The following SYTL3 variants were observed in gnomAD, a reference collection of about 807,000 sequenced individuals.
The protein encoded by SYTL3 is synaptotagmin like 3.
Under a neutral mutation model 82.1 loss-of-function variants are expected in SYTL3, and 88 were observed. The ratio of observed to expected loss-of-function variants is 1.07; its 90% confidence interval spans 0.90 to 1.28. The LOEUF is 1.28. Among genes scored for constraint, SYTL3 ranks in the 50% most tolerant of loss-of-function variants. The pLI is 0.00. For missense variants in SYTL3, 831 were observed against 757.6 expected (o/e 1.10, Z -1.14); for synonymous variants, 311 against 289.4 (o/e 1.07, Z -0.76).
intron 6 of SYTL3, among the ~76,000 whole-genome samples, chr6:158,702,015 C>T (rs1270108139): frequency 1.3e-5 from 2 of 152,002 alleles, no homozygotes; most frequent in South Asian, 2.1e-4. Flanking sequence ...CTCTGTCACT[C>T]AGGCTGGAGT....
At chr6:158,720,651 C>A (rs1784000704) in intron 10 of SYTL3, among the ~76,000 whole-genome samples, 1 of 152,192 alleles carries the variant, frequency 6.6e-6, no homozygotes, top group African/African-American at 2.4e-5. Context: ...GAGGCTAACA[C>A]TGACTTGGGG....
intron 5 of SYTL3, among the ~76,000 whole-genome samples, chr6:158,673,259 A>C (rs1393445551): frequency 1.3e-5 from 2 of 150,978 alleles, no homozygotes; most frequent in East Asian, 3.9e-4. Flanking sequence ...TTTATTAAAA[A>C]CAGTTTCTAA....
intron 6 of SYTL3, among the ~76,000 whole-genome samples, chr6:158,705,427 C>T (rs920864219): frequency 2.9e-5 from 4 of 137,196 alleles, no homozygotes; most frequent in Non-Finnish European, 6.3e-5. Context: ...GAACCCGGGG[C>T]AGGGTAACAC....
At chr6:158,696,755 G>T (rs534439707) in intron 6 of SYTL3, among the ~76,000 whole-genome samples, 1 of 151,762 alleles carries the variant, frequency 6.6e-6, no homozygotes, top group Admixed American at 6.6e-5. Flanking sequence ...GAGGACTCAC[G>T]CTTCCAGATC....
intron 11 of SYTL3, among the ~76,000 whole-genome samples, chr6:158,736,599 A>C (rs1786206280): frequency 1.3e-5 from 2 of 151,824 alleles, no homozygotes; most frequent in South Asian, 4.2e-4. Context: ...GACCAGCCTG[A>C]CCAACATGGT....
At chr6:158,735,136 C>T (rs556269005) in intron 11 of SYTL3, among the ~76,000 whole-genome samples, 7 of 152,170 alleles carry the variant, frequency 4.6e-5, no homozygotes, top group East Asian at 3.9e-4. Context: ...CCAGTCCACA[C>T]GTAGAAGCAG....
At chr6:158,711,768 G>A (rs891238072) in intron 8 of SYTL3, among the ~76,000 whole-genome samples, 2 of 152,194 alleles carry the variant, frequency 1.3e-5, no homozygotes, top group East Asian at 3.9e-4. Flanking sequence ...CCTTTTTAGA[G>A]CATGTAGGGT....
chr6:158,680,601 A>C (rs1000592701), intron 5 of SYTL3, among the ~76,000 whole-genome samples: 39 of 148,516 alleles, frequency 2.6e-4, no homozygotes, highest in African/African-American at 9.7e-4. Flanking sequence ...AAAACACAAA[A>C]ATCAGCCAGG....
chr6:158,667,855 A>G (rs971966071), intron 5 of SYTL3, among the ~76,000 whole-genome samples: 1 of 152,190 alleles, frequency 6.6e-6, no homozygotes, highest in African/African-American at 2.4e-5. Flanking sequence ...CATTTAAGAT[A>G]AAGTTTCTGT....
intron 11 of SYTL3, among the ~76,000 whole-genome samples, chr6:158,743,145 A>C (rs1260922980): frequency 6.6e-6 from 1 of 152,076 alleles, no homozygotes; most frequent in Non-Finnish European, 1.5e-5. Flanking sequence ...CAGCCCTTGG[A>C]CGTGCAGCGG....
intron 2 of SYTL3, among the ~76,000 whole-genome samples, chr6:158,652,053 C>T (rs1005130283): frequency 2.7e-5 from 4 of 150,590 alleles, no homozygotes; most frequent in Non-Finnish European, 4.4e-5. Flanking sequence ...TCAGCCTCCC[C>T]GGTAGCTAGG....
intron 1 of SYTL3, among the ~76,000 whole-genome samples, chr6:158,650,768 C>T (rs1209149424): frequency 1.4e-5 from 2 of 147,926 alleles, no homozygotes; most frequent in East Asian, 4.2e-4. Flanking sequence ...CATGATGAAA[C>T]CCCATCTCTA....
At chr6:158,708,024 C>T (rs977004443) in intron 7 of SYTL3, among the ~76,000 whole-genome samples, 8 of 152,114 alleles carry the variant, frequency 5.3e-5, no homozygotes, top group East Asian at 1.9e-4. Flanking sequence ...GGGGTTTCCC[C>T]GCAGCCAGGT....
intron 5 of SYTL3, among the ~76,000 whole-genome samples, chr6:158,671,999 G>C (rs1302456860): frequency 1.3e-5 from 2 of 151,996 alleles, no homozygotes; most frequent in Admixed American, 6.6e-5. Flanking sequence ...TCAATCACTT[G>C]AATTGCCTCC....
In SYTL3 at chr6:158,715,599, T is replaced by TCA. The variant is rs72372107; in HGVS notation, c.595+1737_595+1738dup. 1.3e-3 allele frequency among the ~76,000 whole-genome samples: 147 copies of TCA among 116,506 alleles called. 2 individuals are homozygous for TCA. Among genetic ancestry groups the TCA allele is most frequent in the South Asian group, 2.2e-3 (7 of 3,204 alleles). The allele number at this position is 116,506 out of a possible 152,430, so 76.4% of individuals were successfully genotyped here. A position where few individuals can be genotyped will look rare whatever the true frequency, so the allele number is the denominator to read the frequency against. ...ATATGGAAAGCAGACTGAAACCGCA[T>TCA]CACACACACACACACACGCACGCAC... On this transcript the variant is annotated intron_variant, in intron 9 of 17. Transcript: ENST00000611299.
intron 5 of SYTL3, 24 bp downstream of exon 5, chr6:158,665,637 C>A (rs780061584): frequency 1.4e-5 from 21 of 1,510,746 alleles, no homozygotes; most frequent in Non-Finnish European, 1.9e-5. Flanking sequence ...GTGGTTGGAT[C>A]CCTCCCACTG....
rs535361947 is a variant in SYTL3 at position 158,657,425 on chromosome 6, C to CAA, written c.-636-3824_-636-3823dup. 3.1e-3 allele frequency among the ~76,000 whole-genome samples: 247 copies of CAA among 78,624 alleles called. 8 individuals carry two copies. The highest frequency in any genetic ancestry group is 8.6e-3 in the East Asian group (19 of 2,222). 51.6% of individuals were successfully genotyped at this position (78,624 alleles called of 152,430 possible). A position where few individuals can be genotyped will look rare whatever the true frequency, so the allele number is the denominator to read the frequency against. ...TGGGTGGCAGAGCGAGACTCTGGCT[C>CAA]AAAAAAAAAAAAAAAAAAAAAGAGA... is the stretch of plus-strand genomic sequence containing the variant. On this transcript the variant is annotated intron_variant, in intron 2 of 17. Transcript: ENST00000611299.
intron 11 of SYTL3, among the ~76,000 whole-genome samples, chr6:158,737,442 TAAAAG>T (rs1386485674): frequency 6.6e-6 from 1 of 152,212 alleles, no homozygotes; most frequent in East Asian, 1.9e-4. Context: ...CCTTGTGAAA[TAAAAG>T]GGCATGAAAC....
chr6:158,663,424 CTGCT>C, intron 4 of SYTL3, 46 bp downstream of exon 4: 1 of 1,600,966 alleles, frequency 6.2e-7, no homozygotes, highest in Non-Finnish European at 8.5e-7. Flanking sequence ...TTAGCTTTCT[CTGCT>C]TGGGGCCTGC....
Sources: gnomAD v4.1 joint callset for allele counts (sites outside exome capture counted in the v4.1 genomes callset) on GRCh38, gnomAD v4.1.1 for gene constraint, MANE v1.5 for transcripts, NCBI Gene and HGNC (gene_info 2026-07-23, HGNC 2026-07-21) for gene names.